Variants in DIP2B observed in about 807,000 individuals in gnomAD.
DIP2B encodes disco-interacting protein 2 homolog B.
Under a neutral mutation model 198.0 loss-of-function variants are expected in DIP2B, and 76 were observed. That is an observed-to-expected ratio of 0.38 (90% CI 0.32 to 0.46). The LOEUF (loss-of-function observed/expected upper bound fraction) is 0.46, where lower values mean the gene tolerates loss of function less well. Ranked by LOEUF, DIP2B falls within the 20% of genes least tolerant of loss-of-function variation. DIP2B has a pLI of 0.99. For synonymous variants in DIP2B, 701 were observed against 739.1 expected (o/e 0.95, Z 0.84); for missense variants, 1,559 against 1,978.4 (o/e 0.79, Z 4.02).
At chr12:50,689,520 G>A (rs935437989) in intron 12 of DIP2B, among the ~76,000 whole-genome samples, 3 of 152,214 alleles carry the variant, frequency 2.0e-5, no homozygotes, top group African/African-American at 7.2e-5. Flanking sequence ...GAGGGAGAAG[G>A]CAAGACAGAC....
At chr12:50,695,399 G>A (rs1003811297) in intron 15 of DIP2B, 39 bp downstream of exon 15, 1 of 1,553,992 alleles carries the variant, frequency 6.4e-7, no homozygotes, top group Non-Finnish European at 8.9e-7. Context: ...TTATGTGACT[G>A]TTTGAATTAA....
At chr12:50,653,712 T>C (rs1938503694) in intron 3 of DIP2B, among the ~76,000 whole-genome samples, 1 of 152,294 alleles carries the variant, frequency 6.6e-6, no homozygotes, top group African/African-American at 2.4e-5. Context: ...TTTCTTATTT[T>C]AGTTATTTGA....
chr12:50,604,311 A>G (rs976361774), intron 1 of DIP2B, among the ~76,000 whole-genome samples: 1 of 152,102 alleles, frequency 6.6e-6, no homozygotes, highest in African/African-American at 2.4e-5. Context: ...ATCCAACCTC[A>G]TTTCATTTTC....
At chr12:50,729,552 G>A (rs1469369197) in intron 30 of DIP2B, among the ~76,000 whole-genome samples, 1 of 151,978 alleles carries the variant, frequency 6.6e-6, no homozygotes, top group Non-Finnish European at 1.5e-5. Context: ...CTGCCATTTT[G>A]TATGAGCCAA....
At chr12:50,677,622 G>A (rs1938970411) in intron 7 of DIP2B, among the ~76,000 whole-genome samples, 2 of 152,086 alleles carry the variant, frequency 1.3e-5, no homozygotes, top group South Asian at 2.1e-4. Context: ...CGTGGGGGTA[G>A]GGAAGGAAAT....
chr12:50,602,509 G>A (rs961684170), intron 1 of DIP2B, among the ~76,000 whole-genome samples: 6 of 152,104 alleles, frequency 3.9e-5, no homozygotes, highest in African/African-American at 1.4e-4. Context: ...CACCCACATT[G>A]GCCTCCCAAA....
chr12:50,733,186 A>C (rs1382145433), intron 32 of DIP2B, among the ~76,000 whole-genome samples: 1 of 150,992 alleles, frequency 6.6e-6, no homozygotes, highest in Non-Finnish European at 1.5e-5. Flanking sequence ...GATTACAGAC[A>C]TGAGCCACCG....
chr12:50,655,737 T>C lies in DIP2B; in HGVS notation c.302-4457T>C, dbSNP rs140110024. Among the ~76,000 whole-genome samples, 41 of 152,342 alleles carry C rather than the reference T, an allele frequency of 2.7e-4. No homozygotes were observed. The East Asian group carries it at 7.9e-3, about 29-fold the overall frequency. On this transcript the variant is annotated intron_variant, in intron 3 of 37. Coordinates refer to ENST00000301180, the MANE Select transcript of DIP2B (RefSeq NM_173602.3). ...GCTCACGCCCATAATCCCAGCACTT[T>C]GGGAGGCCAAGGCGGGTGGATTGCT...
intron 29 of DIP2B, among the ~76,000 whole-genome samples, chr12:50,728,190 G>A (rs924185555): frequency 2.0e-5 from 3 of 152,158 alleles, no homozygotes; most frequent in Admixed American, 6.5e-5. Flanking sequence ...AGACCAGCCT[G>A]AACAACATGG....
chr12:50,562,177 G>A (rs1958524592), intron 1 of DIP2B, among the ~76,000 whole-genome samples: 1 of 152,182 alleles, frequency 6.6e-6, no homozygotes, highest in South Asian at 2.1e-4. Context: ...GAGAAGAAGG[G>A]CGGTAGAGAA....
At chr12:50,674,835 A>G (rs1938918273) in intron 6 of DIP2B, among the ~76,000 whole-genome samples, 1 of 152,192 alleles carries the variant, frequency 6.6e-6, no homozygotes, top group Admixed American at 6.5e-5. Context: ...CTTCCAGATG[A>G]TACTTTGAAC....
At position 50,721,268 on chromosome 12, in the gene DIP2B, T is replaced by G; in HGVS notation, c.3043-5T>G. 7 of 1,613,462 alleles carry G rather than the reference T, an allele frequency of 4.3e-6. No individual in the cohort carries two copies. The highest frequency in any genetic ancestry group is 5.9e-6 in the Non-Finnish European group (7 of 1,179,668). ...TGACCCGCTTATCCTTTCTGTTGTT[T>G]AAAGGGAACCACTGTATGCACAGCC... On this transcript the variant is annotated splice_region_variant and splice_polypyrimidine_tract_variant and intron_variant, in intron 25 of 37. Transcript: ENST00000301180.
chr12:50,558,727 A>G (rs1268373560), intron 1 of DIP2B, among the ~76,000 whole-genome samples: 1 of 152,186 alleles, frequency 6.6e-6, no homozygotes, highest in African/African-American at 2.4e-5. Flanking sequence ...CAGCAACACA[A>G]TTTTGGAAAC....
intron 1 of DIP2B, among the ~76,000 whole-genome samples, chr12:50,516,241 C>CTCTCTATCTCTA (rs768299705): frequency 1.5e-3 from 216 of 141,094 alleles, no homozygotes; most frequent in African/African-American, 2.1e-3. Context: ...CTCTCTCTCT[C>CTCTCTATCTCTA]TCTCTATCTC....
At chr12:50,729,503 A>G (rs549822823) in intron 30 of DIP2B, among the ~76,000 whole-genome samples, 49 of 152,214 alleles carry the variant, frequency 3.2e-4, no homozygotes, top group African/African-American at 1.0e-3. Context: ...CTGAGCTTCT[A>G]GTGACTCTGA....
At chr12:50,707,231 C>T (rs557749323) in intron 21 of DIP2B, among the ~76,000 whole-genome samples, 69 of 152,194 alleles carry the variant, frequency 4.5e-4, no homozygotes, top group Non-Finnish European at 7.6e-4. Context: ...AATTTGCAAT[C>T]GTAGATGTGT....
intron 1 of DIP2B, among the ~76,000 whole-genome samples, chr12:50,559,703 CAG>C (rs1453985700): frequency 3.3e-5 from 2 of 60,046 alleles, no homozygotes; most frequent in South Asian, 5.3e-4. Context: ...GCCTCAGTGA[CAG>C]AAACCACACA....
At chr12:50,577,459 A>G (rs1231324549) in intron 1 of DIP2B, among the ~76,000 whole-genome samples, 1 of 152,170 alleles carries the variant, frequency 6.6e-6, no homozygotes, top group Non-Finnish European at 1.5e-5. Context: ...GTGTGAACCC[A>G]GAAGGTGGAG....
chr12:50,511,291 A>ATTTTTTTTTTTTT (rs71083581), intron 1 of DIP2B, among the ~76,000 whole-genome samples: 878 of 64,658 alleles, frequency 0.014, 234 homozygotes, highest in Middle Eastern at 0.077. Flanking sequence ...TGTGATTTCT[A>ATTTTTTTTTTTTT]TTTTTTTTTT....
Sources: gnomAD v4.1 joint callset for allele counts (sites outside exome capture counted in the v4.1 genomes callset) on GRCh38, gnomAD v4.1.1 for gene constraint, MANE v1.5 for transcripts, NCBI Gene and HGNC (gene_info 2026-07-23, HGNC 2026-07-21) for gene names.